MTHFD1L: variants seen among roughly 807,000 people sequenced by gnomAD.
MTHFD1L encodes methylenetetrahydrofolate dehydrogenase (NADP+ dependent) 1 like, also known as monofunctional C1-tetrahydrofolate synthase, mitochondrial.
MTHFD1L carries 81 observed loss-of-function variants against 119.5 expected under a neutral mutation model. The observed-to-expected ratio is 0.68, with a 90% CI of 0.57 to 0.82. The LOEUF (loss-of-function observed/expected upper bound fraction) is 0.82, where lower values mean the gene tolerates loss of function less well. Ranked by LOEUF, MTHFD1L falls within the 40% of genes least tolerant of loss-of-function variation. MTHFD1L has a pLI of 0.00. For synonymous variants in MTHFD1L, 430 were observed against 475.2 expected, an observed-to-expected ratio of 0.90 and a Z score of 1.24; for missense variants, 1,125 against 1,253.4, an observed-to-expected ratio of 0.90 and a Z score of 1.55.
intron 1 of MTHFD1L, 94 bp from the exon 2 acceptor site, chr6:150,875,996 C>G (rs1281607584): frequency 3.0e-6 from 3 of 991,688 alleles, no homozygotes; most frequent in Non-Finnish European, 4.7e-6. Flanking sequence ...GTTATTTTCA[C>G]TTGGAGGAAG....
intron 26 of MTHFD1L, among the ~76,000 whole-genome samples, chr6:151,090,678 C>T (rs1406803700): frequency 6.6e-6 from 1 of 152,248 alleles, no homozygotes; most frequent in Non-Finnish European, 1.5e-5. Context: ...TGGGAAGAAG[C>T]AGGCAAACCC....
At chr6:150,939,922 C>T (rs1187841366) in intron 13 of MTHFD1L, among the ~76,000 whole-genome samples, 1 of 151,942 alleles carries the variant, frequency 6.6e-6, no homozygotes, top group Non-Finnish European at 1.5e-5. Flanking sequence ...TGAGCTCAGA[C>T]AATCCACTGG....
At chr6:151,071,045 C>T (rs1463542215) in intron 26 of MTHFD1L, among the ~76,000 whole-genome samples, 1 of 152,200 alleles carries the variant, frequency 6.6e-6, no homozygotes, top group Non-Finnish European at 1.5e-5. Context: ...AGTTCCAGAT[C>T]ACTTTGCGTC....
chr6:150,953,944 A>G (rs932358077), intron 16 of MTHFD1L, among the ~76,000 whole-genome samples: 5 of 152,144 alleles, frequency 3.3e-5, no homozygotes, highest in African/African-American at 1.2e-4. Flanking sequence ...CATTTTGTAT[A>G]TGCTCTGCTT....
intron 7 of MTHFD1L, among the ~76,000 whole-genome samples, chr6:150,900,118 G>A (rs977470084): frequency 6.6e-6 from 1 of 151,856 alleles, no homozygotes; most frequent in Admixed American, 6.6e-5. Context: ...ACAGTCTACA[G>A]TAATGGCAGG....
In MTHFD1L at chr6:150,877,893, G is replaced by A. The variant is rs184687384; in HGVS notation, c.417+67G>A. ...CTTGAGACTTAATAGGCCCATTGGCGTCTCTTAGTGGTGGCTGGGACAGAT... is the reference window on the plus strand; with the variant it reads ...CTTGAGACTTAATAGGCCCATTGGCATCTCTTAGTGGTGGCTGGGACAGAT... On this transcript the variant is annotated intron_variant, in intron 4 of 27. Coordinates refer to ENST00000367321, the MANE Select transcript of MTHFD1L (RefSeq NM_015440.5). 452 of 1,571,132 alleles carry A rather than the reference G, an allele frequency of 2.9e-4. 1 individual carries two copies. The African/African-American group carries it at 4.3e-3, about 15-fold the overall frequency.
rs1485231429 is a variant in MTHFD1L at position 150,985,678 on chromosome 6, A to G, written c.2125+13620A>G. ...TCTGTCTCAAAAAAAAAAAAAAAAA[A>G]AAAGAAAGAAAGAAAAAGAAAACTC... On this transcript the variant is annotated intron_variant, in intron 20 of 27. Transcript: ENST00000367321. Among the ~76,000 whole-genome samples the G allele has an allele frequency of 1.5e-3, 233 of 151,110 alleles. 1 individual carries two copies. Among genetic ancestry groups the G allele is most frequent in the African/African-American group, 4.6e-3 (188 of 41,174 alleles).
intron 9 of MTHFD1L, among the ~76,000 whole-genome samples, 159 bp downstream of exon 9, chr6:150,918,827 A>G (rs1321756424): frequency 6.6e-6 from 1 of 152,214 alleles, no homozygotes; most frequent in Non-Finnish European, 1.5e-5. Flanking sequence ...ATTTTGAAAA[A>G]TGAAGTGAGT....
At chr6:150,920,116 G>T (rs1788648049) in intron 9 of MTHFD1L, among the ~76,000 whole-genome samples, 1 of 152,218 alleles carries the variant, frequency 6.6e-6, no homozygotes, top group Non-Finnish European at 1.5e-5. Flanking sequence ...CAATCCAAGG[G>T]AGGCAACCAG....
chr6:151,033,141 CAG>C (rs1785589289), intron 24 of MTHFD1L, among the ~76,000 whole-genome samples: 1 of 147,682 alleles, frequency 6.8e-6, no homozygotes, highest in African/African-American at 2.5e-5. Context: ...TTTTTTGAGA[CAG>C]AGTCTTGCTC....
intron 6 of MTHFD1L, among the ~76,000 whole-genome samples, chr6:150,886,836 T>A (rs1342867175): frequency 6.6e-6 from 1 of 150,840 alleles, no homozygotes; most frequent in Non-Finnish European, 1.5e-5. Context: ...CAAAAAAAAT[T>A]TTTTTTTTAA....
chr6:150,990,117 A>G (rs1375312902), intron 20 of MTHFD1L, among the ~76,000 whole-genome samples: 3 of 152,064 alleles, frequency 2.0e-5, no homozygotes, highest in African/African-American at 7.2e-5. Context: ...TGTCTCTACT[A>G]AAAATACAAA....
intron 20 of MTHFD1L, among the ~76,000 whole-genome samples, chr6:150,979,102 G>T (rs1777061959): frequency 6.6e-6 from 1 of 152,184 alleles, no homozygotes; most frequent in African/African-American, 2.4e-5. Context: ...AGCCGAGCGT[G>T]GTTGTGGGCC....
rs1562532149 is a variant in MTHFD1L, at chr6:151,009,867, A to G, written c.2174A>G (p.Asn725Ser). The G allele has an allele frequency of 6.2e-7, 1 of 1,613,936 alleles. No individual in the cohort carries two copies. ...GADIGMEKFFNIKCRASGLVP... is the reference protein window; with the variant it reads ...GADIGMEKFFSIKCRASGLVP... ...GACATCGGAATGGAGAAATTCTTCA[A>G]CATCAAGTGCCGAGCTTCCGGCTTG... is the stretch of plus-strand genomic sequence containing the variant. The change falls in exon 21 of 28, where the codon AAC becomes AGC. Residue 725 changes from asparagine (N) to serine (S), a missense_variant. This residue lies in a region of MTHFD1L where 1,058 missense variants were observed against 1,151.2 expected (regional missense o/e 0.92). Transcript: ENST00000367321.
intron 26 of MTHFD1L, among the ~76,000 whole-genome samples, chr6:151,050,832 C>T (rs1181531136): frequency 6.6e-6 from 1 of 152,080 alleles, no homozygotes; most frequent in Non-Finnish European, 1.5e-5. Flanking sequence ...TCCCAACACG[C>T]TTATGTGTGC....
intron 20 of MTHFD1L, among the ~76,000 whole-genome samples, chr6:151,002,728 A>G (rs551588536): frequency 4.8e-4 from 73 of 152,370 alleles, no homozygotes; most frequent in African/African-American, 1.7e-3. Context: ...GGTTACAACG[A>G]TTAGCATAAT....
chr6:151,049,754 T>C (rs1277170637), intron 26 of MTHFD1L, among the ~76,000 whole-genome samples: 2 of 152,116 alleles, frequency 1.3e-5, no homozygotes, highest in Non-Finnish European at 2.9e-5. Context: ...GAAACACTTA[T>C]TTACAGAGGT....
intron 8 of MTHFD1L, among the ~76,000 whole-genome samples, chr6:150,916,290 ATC>A (rs1787847884): frequency 3.3e-5 from 3 of 90,524 alleles, no homozygotes; most frequent in Admixed American, 2.9e-4. Context: ...GGAAGGTAGA[ATC>A]TTTTTTTTTT....
intron 11 of MTHFD1L, among the ~76,000 whole-genome samples, chr6:150,936,484 C>T (rs1244245848): frequency 6.6e-6 from 1 of 152,194 alleles, no homozygotes; most frequent in African/African-American, 2.4e-5. Flanking sequence ...TACTCATCAG[C>T]AAGAAATGCC....
Sources: gnomAD v4.1 joint callset for allele counts (sites outside exome capture counted in the v4.1 genomes callset) on GRCh38, gnomAD v4.1.1 for gene constraint, gnomAD v4.1.1 regional missense constraint, MANE v1.5 for transcripts, NCBI Gene and HGNC (gene_info 2026-07-23, HGNC 2026-07-21) for gene names.